RANBP2: variants seen among roughly 807,000 people sequenced by gnomAD.
RANBP2 encodes the protein E3 SUMO-protein ligase RanBP2.
Under a neutral mutation model 303.6 loss-of-function variants are expected in RANBP2, and 57 were observed. The observed-to-expected ratio is 0.19, with a 90% confidence interval of 0.15 to 0.23. The LOEUF (loss-of-function observed/expected upper bound fraction) is 0.23. Ranked by LOEUF, RANBP2 falls within the 10% of genes least tolerant of loss-of-function variation. The pLI, the probability that RANBP2 is intolerant of heterozygous loss-of-function variation, is 1.00. For missense variants in RANBP2, 3,138 were observed against 3,780.8 expected, an observed-to-expected ratio of 0.83 and a Z score of 4.46; for synonymous variants, 1,167 against 1,301.5, an observed-to-expected ratio of 0.90 and a Z score of 2.23.
the RANBP2 span, among the ~76,000 whole-genome samples, chr2:109,732,327 T>C: frequency 6.6e-6 from 1 of 152,166 alleles, no homozygotes; most frequent in South Asian, 2.1e-4. Context: ...GGTCACCTGC[T>C]TTGTTTACTG....
intron 19 of RANBP2, among the ~76,000 whole-genome samples, chr2:108,762,450 G>A (rs1200779789): frequency 1.5e-5 from 1 of 68,824 alleles, no homozygotes; most frequent in Non-Finnish European, 2.9e-5. Flanking sequence ...TGTTTTAACA[G>A]AAATAGAACT....
chr2:109,414,402 C>G, the RANBP2 span, among the ~76,000 whole-genome samples: 10 of 152,102 alleles, frequency 6.6e-5, no homozygotes, highest in Non-Finnish European at 2.9e-5. Context: ...GCTATTGATT[C>G]AGGTTTCATC....
At chr2:109,732,480 CTT>C in the RANBP2 span, among the ~76,000 whole-genome samples, 20 of 138,198 alleles carry the variant, frequency 1.4e-4, no homozygotes, top group Non-Finnish European at 6.3e-5. Flanking sequence ...ACACCTTCAT[CTT>C]TTTTTTTTTT....
At chr2:109,195,251 A>G in the RANBP2 span, among the ~76,000 whole-genome samples, 1 of 152,206 alleles carries the variant, frequency 6.6e-6, no homozygotes, top group African/African-American at 2.4e-5. Flanking sequence ...CTAGGACTGC[A>G]GTCCATGGGA....
At chr2:109,747,743 CA>C in the RANBP2 span, among the ~76,000 whole-genome samples, 14,660 of 113,448 alleles carry the variant, frequency 0.13, 1,039 homozygotes, top group African/African-American at 0.3. Flanking sequence ...AACCCTGTCT[CA>C]AAAAAAAAAA....
chr2:109,660,724 G>T, the RANBP2 span, among the ~76,000 whole-genome samples: 1 of 152,172 alleles, frequency 6.6e-6, no homozygotes, highest in African/African-American at 2.4e-5. Flanking sequence ...CATGACCTTA[G>T]CCAAATCTCT....
At chr2:108,726,962 A>G (rs1573689127) in intron 1 of RANBP2, among the ~76,000 whole-genome samples, 1 of 152,312 alleles carries the variant, frequency 6.6e-6, no homozygotes, top group East Asian at 1.9e-4. Flanking sequence ...AAGGTCACAG[A>G]TCAACAAGAT....
the RANBP2 span, among the ~76,000 whole-genome samples, chr2:109,439,589 C>T: frequency 6.6e-6 from 1 of 152,142 alleles, no homozygotes; most frequent in Non-Finnish European, 1.5e-5. Flanking sequence ...TTGGCCATAG[C>T]ATCCAATATG....
chr2:109,499,781 G>A, the RANBP2 span, among the ~76,000 whole-genome samples: 2 of 152,220 alleles, frequency 1.3e-5, no homozygotes, highest in Non-Finnish European at 2.9e-5. Flanking sequence ...ATGTGTGTGT[G>A]TGTCCTGTCA....
rs1049582353 is a variant in RANBP2 at position 108,749,322 on chromosome 2, A to C, written c.1273+193A>C. On this transcript the variant is annotated intron_variant, in intron 9 of 28. Transcript: ENST00000283195. ...GTTGTTGTTGTTGTTTTTAAGACCAAGTTTTGCTCTTGTCGCCCATGCTGG... is the reference window on the plus strand; with the variant it reads ...GTTGTTGTTGTTGTTTTTAAGACCACGTTTTGCTCTTGTCGCCCATGCTGG... Among the ~76,000 whole-genome samples the C allele has an allele frequency of 2.0e-4, 31 of 152,002 alleles. 2 individuals carry two copies. Among genetic ancestry groups the C allele is most frequent in the African/African-American group, 7.2e-4 (30 of 41,418 alleles).
At chr2:108,829,660 C>T in the RANBP2 span, among the ~76,000 whole-genome samples, 49 of 152,254 alleles carry the variant, frequency 3.2e-4, no homozygotes, top group African/African-American at 1.1e-3. Context: ...GCATGGGAAT[C>T]GCTTGAACCT....
chr2:109,320,957 G>A, the RANBP2 span, among the ~76,000 whole-genome samples: 16 of 152,304 alleles, frequency 1.1e-4, no homozygotes, highest in East Asian at 2.9e-3. Context: ...CCATCTTGCA[G>A]GGTTTTAGGA....
At chr2:108,788,996 A>C (rs756473948), downstream of RANBP2, 4 of 1,611,874 alleles carry the variant, frequency 2.5e-6, no homozygotes, top group African/African-American at 4.0e-5. Context: ...TACTGTTGCT[A>C]CCCCCTCAGT....
the RANBP2 span, among the ~76,000 whole-genome samples, chr2:109,250,221 T>C: frequency 1.3e-5 from 2 of 152,090 alleles, no homozygotes; most frequent in Non-Finnish European, 2.9e-5. Flanking sequence ...AATTTGTATT[T>C]AGGGAAAGGC....
chr2:108,792,854 G>C, the RANBP2 span, among the ~76,000 whole-genome samples: 1 of 151,932 alleles, frequency 6.6e-6, no homozygotes, highest in African/African-American at 2.4e-5. Context: ...CACGAGGTCA[G>C]GAGATCGAGA....
chr2:109,069,925 A>G, the RANBP2 span, among the ~76,000 whole-genome samples: 5 of 152,214 alleles, frequency 3.3e-5, no homozygotes, highest in Non-Finnish European at 7.3e-5. Context: ...TTGAACTGTG[A>G]GCACAGGAAT....
chr2:108,758,153 C>T (rs1308123066), intron 17 of RANBP2, among the ~76,000 whole-genome samples: 1 of 151,962 alleles, frequency 6.6e-6, no homozygotes, highest in Non-Finnish European at 1.5e-5. Flanking sequence ...AAAAATTAGC[C>T]AGGCGTGCTG....
chr2:109,380,800 A>G, the RANBP2 span, among the ~76,000 whole-genome samples: 54 of 152,326 alleles, frequency 3.5e-4, no homozygotes, highest in African/African-American at 1.2e-3. Context: ...CACCACCTGC[A>G]TAGGCAGACA....
chr2:109,670,258 C>T, the RANBP2 span, among the ~76,000 whole-genome samples: 2 of 146,918 alleles, frequency 1.4e-5, no homozygotes, highest in African/African-American at 5.0e-5. Context: ...GCCTATGCCC[C>T]ATGGTGGGGG....
Sources: gnomAD v4.1 joint callset for allele counts (sites outside exome capture counted in the v4.1 genomes callset) on GRCh38, gnomAD v4.1.1 for gene constraint, MANE v1.5 for transcripts, NCBI Gene and HGNC (gene_info 2026-07-23, HGNC 2026-07-21) for gene names.